TASP1: variants seen among roughly 807,000 people sequenced by gnomAD.
TASP1 encodes the protein threonine aspartase 1.
TASP1 carries 16 observed loss-of-function variants against 56.6 expected under a neutral mutation model. The observed-to-expected ratio is 0.28, with a 90% CI of 0.19 to 0.43. The LOEUF is 0.43. TASP1 is among the 20% of genes least tolerant of loss of function. The pLI is 1.00. For missense variants in TASP1, 393 were observed against 511.6 expected, an observed-to-expected ratio of 0.77 and a Z score of 2.24; for synonymous variants, 179 against 184.2, an observed-to-expected ratio of 0.97 and a Z score of 0.23.
intron 8 of TASP1, among the ~76,000 whole-genome samples, chr20:13,539,109 G>A (rs1169274227): frequency 1.3e-5 from 2 of 152,136 alleles, no homozygotes; most frequent in East Asian, 3.9e-4. Context: ...CATGAAACCA[G>A]CAAAAATCTG....
chr20:13,506,248 G>A (rs1873856186), intron 10 of TASP1, among the ~76,000 whole-genome samples: 1 of 152,028 alleles, frequency 6.6e-6, no homozygotes, highest in African/African-American at 2.4e-5. Context: ...AATTGAATCA[G>A]TAATCAAGAA....
At chr20:13,357,712 C>G in the TASP1 span, among the ~76,000 whole-genome samples, 14 of 152,312 alleles carry the variant, frequency 9.2e-5, no homozygotes, top group African/African-American at 3.4e-4. Context: ...ATCTACAGCC[C>G]TGCTAATCTT....
At chr20:13,397,084 C>T (rs2041569510) in intron 13 of TASP1, among the ~76,000 whole-genome samples, 1 of 152,216 alleles carries the variant, frequency 6.6e-6, no homozygotes, top group Non-Finnish European at 1.5e-5. Flanking sequence ...AAGATACTCA[C>T]ATAAACATGG....
At chr20:13,215,174 T>C in the TASP1 span, among the ~76,000 whole-genome samples, 3 of 152,218 alleles carry the variant, frequency 2.0e-5, no homozygotes, top group Admixed American at 2.0e-4. Context: ...CCTGGGCTCT[T>C]GTCCTGATGC....
intron 8 of TASP1, among the ~76,000 whole-genome samples, chr20:13,542,045 CAAA>C (rs374309655): frequency 4.5e-5 from 3 of 66,686 alleles, no homozygotes; most frequent in African/African-American, 5.1e-5. Context: ...ACTCCGTCTC[CAAA>C]AAAAAAAAAA....
chr20:13,156,063 A>AACAC, the TASP1 span, among the ~76,000 whole-genome samples: 1 of 151,148 alleles, frequency 6.6e-6, no homozygotes, highest in Non-Finnish European at 1.5e-5. Context: ...GACACATACA[A>AACAC]ACACACACAC....
At chr20:13,314,832 T>G in the TASP1 span, among the ~76,000 whole-genome samples, 1 of 152,122 alleles carries the variant, frequency 6.6e-6, no homozygotes, top group Non-Finnish European at 1.5e-5. Flanking sequence ...TCTATCTATA[T>G]GTTTATACAT....
At chr20:13,370,639 G>A in the TASP1 span, among the ~76,000 whole-genome samples, 14,809 of 152,010 alleles carry the variant, frequency 0.097, 836 homozygotes, top group African/African-American at 0.15. Context: ...CCTAAGCCCC[G>A]GGGCCTCAGA....
At chr20:13,477,849 C>T (rs1288860086) in intron 11 of TASP1, among the ~76,000 whole-genome samples, 1 of 152,122 alleles carries the variant, frequency 6.6e-6, no homozygotes. Context: ...AATGTGCAGA[C>T]TGGTTATTCT....
the TASP1 span, among the ~76,000 whole-genome samples, chr20:13,144,140 C>T: frequency 6.6e-6 from 1 of 152,206 alleles, no homozygotes; most frequent in Non-Finnish European, 1.5e-5. Flanking sequence ...ACATTCTAGG[C>T]AAGTACTCAT....
the TASP1 span, chr20:13,126,667 A>T: frequency 6.2e-7 from 1 of 1,614,108 alleles, no homozygotes; most frequent in Non-Finnish European, 8.5e-7. Flanking sequence ...ATAGCAGAGC[A>T]AATCATCAGA....
intron 10 of TASP1, among the ~76,000 whole-genome samples, chr20:13,525,752 T>G (rs1190768543): frequency 1.3e-5 from 2 of 152,114 alleles, no homozygotes; most frequent in African/African-American, 4.8e-5. Context: ...CATTGTCAAC[T>G]TCATAGCAAC....
the TASP1 span, among the ~76,000 whole-genome samples, chr20:13,350,082 G>A: frequency 2.8e-4 from 43 of 152,296 alleles, 1 homozygote; most frequent in Admixed American, 7.2e-4. Context: ...GCAGTGAGCC[G>A]TAATGGTGCC....
At chr20:13,528,886 A>C (rs2045099785) in intron 9 of TASP1, among the ~76,000 whole-genome samples, 1 of 151,896 alleles carries the variant, frequency 6.6e-6, no homozygotes, top group Non-Finnish European at 1.5e-5. Context: ...TGTGTGTCAG[A>C]TCACTTGGGG....
chr20:13,347,444 A>G, the TASP1 span, among the ~76,000 whole-genome samples: 221 of 152,326 alleles, frequency 1.5e-3, no homozygotes, highest in African/African-American at 4.8e-3. Flanking sequence ...TTCCTGCCCA[A>G]CCACGTCTCT....
chr20:13,273,112 G>T, the TASP1 span, among the ~76,000 whole-genome samples: 1 of 152,144 alleles, frequency 6.6e-6, no homozygotes, highest in African/African-American at 2.4e-5. Context: ...CTTTGTGCTT[G>T]AACCCAATTT....
chr20:13,556,440 A>T (rs1316555046), intron 8 of TASP1, among the ~76,000 whole-genome samples: 1 of 152,236 alleles, frequency 6.6e-6, no homozygotes, highest in Non-Finnish European at 1.5e-5. Flanking sequence ...CAAAATGTGA[A>T]TAAGAAAGCA....
At chr20:13,252,298 C>G in the TASP1 span, among the ~76,000 whole-genome samples, 1 of 152,182 alleles carries the variant, frequency 6.6e-6, no homozygotes, top group South Asian at 2.1e-4. Flanking sequence ...TGTGTACATG[C>G]TGGGAACAAT....
chr20:13,499,287 C>T (rs138909214), intron 10 of TASP1, among the ~76,000 whole-genome samples: 109 of 151,846 alleles, frequency 7.2e-4, no homozygotes, highest in African/African-American at 2.4e-3. Flanking sequence ...AATATGAAAA[C>T]AATAGACACC....
Sources: allele counts gnomAD v4.1 joint callset (sites outside exome capture counted in the v4.1 genomes callset), GRCh38; gene constraint gnomAD v4.1.1; transcripts MANE v1.5; gene names NCBI Gene and HGNC (gene_info 2026-07-23, HGNC 2026-07-21).